DNAJC15: variants seen among roughly 807,000 people sequenced by gnomAD.
The protein encoded by DNAJC15 is dnaJ homolog subfamily C member 15.
DNAJC15 carries 27 observed loss-of-function variants against 22.4 expected under a neutral mutation model. The observed-to-expected ratio is 1.20, with a 90% CI of 0.89 to 1.66. DNAJC15 has a LOEUF of 1.66. Among genes scored for constraint, DNAJC15 ranks in the 40% most tolerant of loss-of-function variants. The pLI is 0.00. For missense variants in DNAJC15, 208 were observed against 187.1 expected, an observed-to-expected ratio of 1.11 and a Z score of -0.65; for synonymous variants, 79 against 63.2, an observed-to-expected ratio of 1.25 and a Z score of -1.19.
intron 4 of DNAJC15, among the ~76,000 whole-genome samples, chr13:43,082,510 C>T (rs9315987): frequency 0.23 from 34,701 of 152,056 alleles, 4,553 homozygotes; most frequent in Non-Finnish European, 0.31. Context: ...CAGAATAGGT[C>T]TCATTTCCAG....
At chr13:43,030,154 A>G (rs2040398168) in intron 1 of DNAJC15, among the ~76,000 whole-genome samples, 2 of 152,192 alleles carry the variant, frequency 1.3e-5, no homozygotes, top group Admixed American at 1.3e-4. Context: ...GCTTATTAAT[A>G]TCTCCAATAA....
intron 1 of DNAJC15, among the ~76,000 whole-genome samples, chr13:43,036,448 G>T (rs1036756259): frequency 1.3e-5 from 2 of 152,192 alleles, no homozygotes; most frequent in African/African-American, 4.8e-5. Context: ...GGAAGTGCAT[G>T]TTGATTGGTT....
At chr13:43,095,704 A>G (rs2040736547) in intron 5 of DNAJC15, among the ~76,000 whole-genome samples, 1 of 152,170 alleles carries the variant, frequency 6.6e-6, no homozygotes, top group African/African-American at 2.4e-5. Flanking sequence ...AAATGATACC[A>G]TAGAAGCTAA....
intron 3 of DNAJC15, among the ~76,000 whole-genome samples, chr13:43,071,559 G>T (rs1199111994): frequency 1.3e-5 from 2 of 152,300 alleles, no homozygotes; most frequent in East Asian, 3.9e-4. Flanking sequence ...GGGAAACTGA[G>T]AAATGAAATA....
intron 1 of DNAJC15, among the ~76,000 whole-genome samples, chr13:43,039,787 A>G (rs1227638591): frequency 6.6e-6 from 1 of 152,170 alleles, no homozygotes; most frequent in Non-Finnish European, 1.5e-5. Context: ...AGGCTGAGGC[A>G]GGGGGATCAC....
intron 5 of DNAJC15, among the ~76,000 whole-genome samples, chr13:43,100,062 C>G (rs2040759809): frequency 6.6e-6 from 1 of 152,018 alleles, no homozygotes; most frequent in Non-Finnish European, 1.5e-5. Context: ...CAGGAATATT[C>G]AAGTTGTCTC....
chr13:43,077,288 G>C (rs1243583925), intron 3 of DNAJC15, among the ~76,000 whole-genome samples: 1 of 152,182 alleles, frequency 6.6e-6, no homozygotes. Context: ...GCACAGCTTG[G>C]GTTCTCTGGA....
At chr13:43,043,683 G>A (rs2040464135) in intron 1 of DNAJC15, among the ~76,000 whole-genome samples, 1 of 152,168 alleles carries the variant, frequency 6.6e-6, no homozygotes, top group African/African-American at 2.4e-5. Flanking sequence ...CTCTGATTTT[G>A]TTGTTTCGCC....
chr13:43,054,672 G>A (rs2040521019), intron 1 of DNAJC15, among the ~76,000 whole-genome samples: 1 of 151,902 alleles, frequency 6.6e-6, no homozygotes, highest in Admixed American at 6.6e-5. Flanking sequence ...TCTCCTCTAG[G>A]TTTTCTAGTT....
intron 5 of DNAJC15, among the ~76,000 whole-genome samples, chr13:43,087,263 A>G (rs2040693128): frequency 6.6e-6 from 1 of 152,204 alleles, no homozygotes; most frequent in Non-Finnish European, 1.5e-5. Context: ...CCCAAAATTT[A>G]TAAACATTTG....
chr13:43,057,720 G>T lies in DNAJC15; in HGVS notation c.109-7966G>T, dbSNP rs561503374. ...TTGTTTTTCTGGTTCTTTCTCGTTT[G>T]GGTAGACTACGTCAGAGGAAAGATC... is the stretch of plus-strand genomic sequence containing the variant. On this transcript the variant is annotated intron_variant, in intron 1 of 5. Transcript: ENST00000379221. Among the ~76,000 whole-genome samples, 26 of 152,260 alleles carry T rather than the reference G, an allele frequency of 1.7e-4. No homozygotes were observed. In the South Asian group the frequency reaches 5.0e-3, roughly 29 times the overall value.
chr13:43,060,081 T>C (rs998707423), intron 1 of DNAJC15, among the ~76,000 whole-genome samples: 14 of 152,240 alleles, frequency 9.2e-5, no homozygotes, highest in African/African-American at 3.1e-4. Context: ...ATGGCTTAGC[T>C]TGGGCTCAGG....
chr13:43,028,813 C>T (rs1566198461), intron 1 of DNAJC15, among the ~76,000 whole-genome samples: 2 of 152,138 alleles, frequency 1.3e-5, no homozygotes, highest in South Asian at 2.1e-4. Context: ...TCCCTGACCC[C>T]AGTTCCCTTT....
At chr13:43,034,547 C>T (rs1323742634) in intron 1 of DNAJC15, among the ~76,000 whole-genome samples, 1 of 151,740 alleles carries the variant, frequency 6.6e-6, no homozygotes, top group Admixed American at 6.6e-5. Context: ...GTTCTCCTGA[C>T]CTAGTGATCC....
At chr13:43,046,869 G>A (rs2040479800) in intron 1 of DNAJC15, among the ~76,000 whole-genome samples, 1 of 147,886 alleles carries the variant, frequency 6.8e-6, no homozygotes, top group Non-Finnish European at 1.5e-5. Context: ...TTCTGATCCA[G>A]TGAGGTGCAC....
At chr13:43,071,613 C>G (rs770124337) in intron 3 of DNAJC15, among the ~76,000 whole-genome samples, 28 of 152,086 alleles carry the variant, frequency 1.8e-4, no homozygotes, top group Non-Finnish European at 3.2e-4. Context: ...AGTGTCACAC[C>G]TCATAAACAC....
intron 1 of DNAJC15, among the ~76,000 whole-genome samples, chr13:43,059,525 TG>T (rs1259145162): frequency 6.6e-6 from 1 of 152,174 alleles, no homozygotes; most frequent in African/African-American, 2.4e-5. Context: ...CCACCATGCC[TG>T]GCTAATTTTG....
At chr13:43,092,109 T>G (rs1221116531) in intron 5 of DNAJC15, among the ~76,000 whole-genome samples, 1 of 152,204 alleles carries the variant, frequency 6.6e-6, no homozygotes, top group Admixed American at 6.5e-5. Context: ...CTACAGTGAT[T>G]GTGGATTTGT....
intron 1 of DNAJC15, among the ~76,000 whole-genome samples, chr13:43,051,126 C>G (rs2040500915): frequency 6.6e-6 from 1 of 152,090 alleles, no homozygotes; most frequent in South Asian, 2.1e-4. Flanking sequence ...AGGTGCCTGC[C>G]ACCACACCCA....
Sources: allele counts gnomAD v4.1 joint callset (sites outside exome capture counted in the v4.1 genomes callset), GRCh38; gene constraint gnomAD v4.1.1; transcripts MANE v1.5; gene names NCBI Gene and HGNC (gene_info 2026-07-23, HGNC 2026-07-21).